PHACTR1: variants seen among roughly 807,000 people sequenced by gnomAD.
The protein encoded by PHACTR1 is RPEL repeat containing 1.
A neutral mutation model predicts 69.2 loss-of-function variants in PHACTR1; 16 were observed. The observed-to-expected ratio is 0.23, with a 90% CI of 0.16 to 0.35. PHACTR1 has a LOEUF of 0.35. Among genes scored for constraint, PHACTR1 ranks in the 10% least tolerant of loss-of-function variants. The pLI, the probability that PHACTR1 is intolerant of heterozygous loss-of-function variation, is 1.00. For synonymous variants in PHACTR1, 312 were observed against 284.5 expected (o/e 1.10, Z -0.97); for missense variants, 510 against 734.7 (o/e 0.69, Z 3.54).
At chr6:13,026,559 G>A (rs540752010) in intron 4 of PHACTR1, among the ~76,000 whole-genome samples, 2 of 152,192 alleles carry the variant, frequency 1.3e-5, no homozygotes, top group East Asian at 1.9e-4. Flanking sequence ...CTTGTAGAGA[G>A]GGAGGAAGGA....
intron 4 of PHACTR1, among the ~76,000 whole-genome samples, chr6:12,813,323 C>T (rs1413186995): frequency 6.6e-6 from 1 of 152,200 alleles, no homozygotes; most frequent in Non-Finnish European, 1.5e-5. Context: ...TTAACCTTAG[C>T]TTCATGAACC....
chr6:12,934,858 A>G (rs890488592), intron 4 of PHACTR1, among the ~76,000 whole-genome samples: 3 of 152,042 alleles, frequency 2.0e-5, no homozygotes, highest in Non-Finnish European at 2.9e-5. Flanking sequence ...AAAAAAAAAA[A>G]ACTTTAATGA....
At chr6:13,048,737 G>T (rs1207923440) in intron 4 of PHACTR1, among the ~76,000 whole-genome samples, 1 of 152,068 alleles carries the variant, frequency 6.6e-6, no homozygotes, top group Non-Finnish European at 1.5e-5. Flanking sequence ...TCACCATGTT[G>T]GCCAGGCTGG....
Position 13,193,353 on chromosome 6 carries a change from C to CTG in PHACTR1, c.664+10671_664+10672dup, listed in dbSNP as rs1234429628. ...GAATATTCTACCTCTTAATAGCTCT[C>CTG]TGTGTATATATATATATATATATAT... On this transcript the variant is annotated intron_variant, in intron 7 of 14. Coordinates refer to ENST00000332995, the MANE Select transcript of PHACTR1 (RefSeq NM_030948.6). Among the ~76,000 whole-genome samples, 131 of 31,206 alleles carry CTG rather than the reference C, an allele frequency of 4.2e-3. 3 individuals carry two copies. The South Asian group carries it at 0.057, about 14-fold the overall frequency. The allele number at this position is 31,206 out of a possible 152,430, so 20.5% of individuals were successfully genotyped here.
chr6:13,026,498 T>G (rs982702327), intron 4 of PHACTR1, among the ~76,000 whole-genome samples: 1 of 152,198 alleles, frequency 6.6e-6, no homozygotes, highest in Admixed American at 6.5e-5. Flanking sequence ...TGGAGACTTT[T>G]CACAAACAAA....
chr6:12,944,779 T>TTATTTATTTA (rs367617126), intron 4 of PHACTR1, among the ~76,000 whole-genome samples: 4 of 138,770 alleles, frequency 2.9e-5, no homozygotes, highest in African/African-American at 1.1e-4. Flanking sequence ...ATTTATTTAT[T>TTATTTATTTA]TTTATTTATT....
chr6:13,071,998 A>C (rs553145783), intron 5 of PHACTR1, among the ~76,000 whole-genome samples: 1 of 152,244 alleles, frequency 6.6e-6, no homozygotes, highest in African/African-American at 2.4e-5. Flanking sequence ...TATGAAAAAA[A>C]GGTTATACAA....
intron 4 of PHACTR1, among the ~76,000 whole-genome samples, chr6:12,871,886 C>A (rs200835757): frequency 1.4e-4 from 20 of 145,022 alleles, no homozygotes; most frequent in African/African-American, 5.7e-4. Context: ...AAAAAAAAAA[C>A]ATTCCCTCAT....
intron 10 of PHACTR1, among the ~76,000 whole-genome samples, chr6:13,244,719 C>CT (rs1338206503): frequency 3.9e-5 from 6 of 152,204 alleles, no homozygotes; most frequent in Non-Finnish European, 8.8e-5. Context: ...TGAACAATTG[C>CT]TGTTATCCTG....
At chr6:12,884,801 CTA>C (rs775670625) in intron 4 of PHACTR1, among the ~76,000 whole-genome samples, 2 of 152,024 alleles carry the variant, frequency 1.3e-5, no homozygotes, top group Non-Finnish European at 2.9e-5. Flanking sequence ...ACTGTGTACA[CTA>C]TACACACACA....
At chr6:13,027,924 G>A (rs879838453) in intron 4 of PHACTR1, among the ~76,000 whole-genome samples, 2 of 152,132 alleles carry the variant, frequency 1.3e-5, no homozygotes, top group Admixed American at 1.3e-4. Context: ...TGATCCACCC[G>A]TCTAGGCCTC....
intron 4 of PHACTR1, among the ~76,000 whole-genome samples, chr6:12,977,242 G>A (rs1000898329): frequency 1.5e-4 from 23 of 152,090 alleles, no homozygotes; most frequent in Admixed American, 1.4e-3. Context: ...TTGAGCTACC[G>A]CGCCTGGCCA....
intron 3 of PHACTR1, among the ~76,000 whole-genome samples, chr6:12,726,714 G>T (rs938729677): frequency 2.0e-5 from 3 of 152,106 alleles, no homozygotes; most frequent in Admixed American, 1.3e-4. Context: ...GGACCTACAG[G>T]TCTGATTTGC....
intron 4 of PHACTR1, among the ~76,000 whole-genome samples, chr6:12,838,106 T>C (rs1778334808): frequency 6.6e-6 from 1 of 152,236 alleles, no homozygotes; most frequent in Non-Finnish European, 1.5e-5. Flanking sequence ...CCAACACGGC[T>C]ACTAGCTGCA....
intron 4 of PHACTR1, among the ~76,000 whole-genome samples, chr6:12,798,269 G>A (rs931655147): frequency 2.6e-5 from 4 of 152,128 alleles, no homozygotes; most frequent in African/African-American, 9.7e-5. Flanking sequence ...AGGTTGAGTG[G>A]ATATTTGTTT....
rs74415978 is a variant in PHACTR1 at position 13,175,822 on chromosome 6, G to C, written c.497-6697G>C. ...TAAGACAAATGGGAGATCGAAGTAG[G>C]GGATCTCCTTTATCACTGGCAAAAG... On this transcript the variant is annotated intron_variant, in intron 6 of 14. Coordinates refer to ENST00000332995, the MANE Select transcript of PHACTR1 (RefSeq NM_030948.6). Among the ~76,000 whole-genome samples, 1,497 of 152,210 alleles carry C rather than the reference G, an allele frequency of 9.8e-3. 27 individuals are homozygous for C. The highest frequency in any genetic ancestry group is 0.034 in the African/African-American group (1,403 of 41,514).
At chr6:12,813,568 T>C (rs962930205) in intron 4 of PHACTR1, among the ~76,000 whole-genome samples, 1 of 152,176 alleles carries the variant, frequency 6.6e-6, no homozygotes, top group African/African-American at 2.4e-5. Context: ...AGTGTGCTCC[T>C]GCCATCCCAA....
chr6:12,965,451 C>CTTTTTT (rs55640152), intron 4 of PHACTR1, among the ~76,000 whole-genome samples: 1 of 131,964 alleles, frequency 7.6e-6, no homozygotes, highest in African/African-American at 2.8e-5. Flanking sequence ...TATTTTGTGC[C>CTTTTTT]TTTTTTTTTT....
In PHACTR1 at chr6:13,008,879, G is replaced by A. The variant is rs566724020; in HGVS notation, c.251-44486G>A. Among the ~76,000 whole-genome samples the A allele has an allele frequency of 5.3e-5, 8 of 152,322 alleles. No individual in the cohort carries two copies. In the South Asian group the frequency reaches 8.3e-4, roughly 16 times the overall value. On this transcript the variant is annotated intron_variant, in intron 4 of 14. Transcript: ENST00000332995. ...GAGTGTATTGTTTCCTAGGGATGGT[G>A]TAACAAATTATCACAAAGTTAGCGG...
Sources: allele counts gnomAD v4.1 joint callset (sites outside exome capture counted in the v4.1 genomes callset), GRCh38; gene constraint gnomAD v4.1.1; transcripts MANE v1.5; gene names NCBI Gene and HGNC (gene_info 2026-07-23, HGNC 2026-07-21).